Variants in NOL10 observed in about 807,000 individuals in gnomAD.
NOL10 encodes the protein nucleolar protein 10, also known as H_NH0074G24.1.
In NOL10, 58 loss-of-function variants were observed where a neutral mutation model predicts 103.5. The observed-to-expected ratio is 0.56, with a 90% CI of 0.45 to 0.70. The LOEUF (loss-of-function observed/expected upper bound fraction) is 0.70. Among genes scored for constraint, NOL10 ranks in the 30% least tolerant of loss-of-function variants. The pLI is 0.00. For synonymous variants in NOL10, 287 were observed against 282.5 expected (o/e 1.02, Z -0.16); for missense variants, 763 against 807.3 (o/e 0.95, Z 0.67).
intron 13 of NOL10, among the ~76,000 whole-genome samples, chr2:10,615,437 C>T (rs1193230345): frequency 6.6e-6 from 1 of 152,116 alleles, no homozygotes; most frequent in Non-Finnish European, 1.5e-5. Flanking sequence ...AGTAGAGATA[C>T]ACATGACAGA....
chr2:10,631,239 G>A (rs1324861837), intron 13 of NOL10, among the ~76,000 whole-genome samples: 1 of 152,126 alleles, frequency 6.6e-6, no homozygotes, highest in African/African-American at 2.4e-5. Context: ...TGTTGGCTTT[G>A]AACTGAAATA....
intron 6 of NOL10, among the ~76,000 whole-genome samples, chr2:10,670,364 AT>A (rs2148340853): frequency 6.6e-6 from 1 of 152,310 alleles, no homozygotes; most frequent in South Asian, 2.1e-4. Flanking sequence ...TTTGCCTACA[AT>A]TTATCTCGTT....
chr2:10,668,751 C>A, intron 6 of NOL10, 28 bp from the exon 7 acceptor site: 3 of 1,028,046 alleles, frequency 2.9e-6, no homozygotes, highest in Non-Finnish European at 4.2e-6. Flanking sequence ...AAGTTAAAAA[C>A]CTGCTAAACT....
chr2:10,632,683 T>G (rs1242094871), intron 13 of NOL10, among the ~76,000 whole-genome samples: 4 of 152,220 alleles, frequency 2.6e-5, no homozygotes, highest in Non-Finnish European at 4.4e-5. Flanking sequence ...CCCAATTCAA[T>G]ATAACTTTAT....
At chr2:10,679,704 C>A (rs1343464724) in intron 3 of NOL10, among the ~76,000 whole-genome samples, 1 of 152,134 alleles carries the variant, frequency 6.6e-6, no homozygotes, top group Non-Finnish European at 1.5e-5. Flanking sequence ...TGGCTTACTG[C>A]AACCTCCGCC....
At chr2:10,637,212 A>AC (rs1553305947) in intron 13 of NOL10, among the ~76,000 whole-genome samples, 15 of 137,198 alleles carry the variant, frequency 1.1e-4, no homozygotes, top group Middle Eastern at 3.6e-3. Context: ...AAAAAAAAAA[A>AC]ACACACACAC....
intron 1 of NOL10, among the ~76,000 whole-genome samples, chr2:10,686,170 T>G (rs1200998104): frequency 2.0e-5 from 3 of 152,168 alleles, no homozygotes; most frequent in Non-Finnish European, 4.4e-5. Flanking sequence ...GTCAGATGGT[T>G]ATGTATGCCA....
Position 10,667,248 on chromosome 2 carries a change from C to A in NOL10, c.561G>T (p.Val187=). 6.3e-7 allele frequency: 1 copy of A among 1,588,698 alleles called. No homozygotes were observed. Among genetic ancestry groups the A allele is most frequent in the Non-Finnish European group, 8.6e-7 (1 of 1,166,412 alleles). The change falls in exon 8 of 21, where the codon GTG becomes GTT. Residue 187 remains valine (V), a synonymous_variant. Coordinates refer to ENST00000381685, the MANE Select transcript of NOL10 (RefSeq NM_024894.4). ...AENNVCDINS[V]HGLFATGTIE... is the part of the protein sequence containing the mutation. ...TGGTTCCTGTGGCAAACAAGCCATG[C>A]ACTGAATTTATGTCACAAACATTAT...
At chr2:10,653,816 G>C (rs894334427) in intron 12 of NOL10, among the ~76,000 whole-genome samples, 5 of 145,320 alleles carry the variant, frequency 3.4e-5, no homozygotes, top group African/African-American at 1.3e-4. Context: ...GGTGGTCACA[G>C]GGTAAAAGCT....
At chr2:10,628,171 C>T (rs1301255284) in intron 13 of NOL10, among the ~76,000 whole-genome samples, 1 of 152,104 alleles carries the variant, frequency 6.6e-6, no homozygotes, top group Non-Finnish European at 1.5e-5. Context: ...TTTCCTAGAT[C>T]CTAAAATCAT....
At chr2:10,638,080 G>C (rs1001455010) in intron 13 of NOL10, among the ~76,000 whole-genome samples, 5 of 152,170 alleles carry the variant, frequency 3.3e-5, no homozygotes, top group African/African-American at 9.7e-5. Flanking sequence ...CCAGGAGTTT[G>C]AGACCAGCCT....
At chr2:10,601,249 G>A (rs1344467131) in intron 16 of NOL10, among the ~76,000 whole-genome samples, 1 of 152,150 alleles carries the variant, frequency 6.6e-6, no homozygotes, top group Non-Finnish European at 1.5e-5. Context: ...ATTTTTAGTA[G>A]AGACGGGGTT....
At chr2:10,581,873 G>A (rs539092473) in intron 19 of NOL10, among the ~76,000 whole-genome samples, 1 of 152,208 alleles carries the variant, frequency 6.6e-6, no homozygotes, top group Non-Finnish European at 1.5e-5. Flanking sequence ...AAAGCTACAG[G>A]TATAGATGTG....
At chr2:10,609,367 CA>C (rs1315251759) in intron 13 of NOL10, among the ~76,000 whole-genome samples, 2 of 143,656 alleles carry the variant, frequency 1.4e-5, no homozygotes, top group Non-Finnish European at 3.0e-5. Flanking sequence ...GCGGGAGGAT[CA>C]CGAGGTCAGG....
intron 13 of NOL10, among the ~76,000 whole-genome samples, chr2:10,628,090 T>C (rs1483495719): frequency 6.6e-6 from 1 of 152,150 alleles, no homozygotes; most frequent in African/African-American, 2.4e-5. Flanking sequence ...ATGAAAACTT[T>C]CGTCTTCAGG....
Position 10,684,576 on chromosome 2 carries a change from T to C in NOL10, c.103A>G (p.Lys35Glu), listed in dbSNP as rs1350332160. 6.3e-7 allele frequency: 1 copy of C among 1,575,396 alleles called. No homozygotes were observed. Among genetic ancestry groups the C allele is most frequent in the Non-Finnish European group, 8.6e-7 (1 of 1,158,746 alleles). ...AAAAAACAATACTCACCTACATCTTTCTTCTGTAGCGCTCTCTTCTTCCTA... is the reference window on the plus strand; with the variant it reads ...AAAAAACAATACTCACCTACATCTTCCTTCTGTAGCGCTCTCTTCTTCCTA... The part of the protein sequence containing the change: ...SDRKKRALQK[K>E]DVDVRRRIEL... The change falls in exon 2 of 21, where the codon AAA becomes GAA. Residue 35 changes from lysine (K) to glutamate (E), a missense_variant. Transcript: ENST00000381685.
chr2:10,660,780 C>T (rs1680146625), intron 9 of NOL10, among the ~76,000 whole-genome samples: 1 of 151,982 alleles, frequency 6.6e-6, no homozygotes, highest in Non-Finnish European at 1.5e-5. Flanking sequence ...TTCAGTTATT[C>T]TCCTGAGTTT....
intron 13 of NOL10, among the ~76,000 whole-genome samples, chr2:10,639,506 C>G (rs1050929188): frequency 6.6e-6 from 1 of 152,136 alleles, no homozygotes; most frequent in African/African-American, 2.4e-5. Flanking sequence ...AGCAAGCAAT[C>G]ACTCACACCC....
At chr2:10,665,980 G>A (rs749713925) in intron 8 of NOL10, among the ~76,000 whole-genome samples, 4 of 152,050 alleles carry the variant, frequency 2.6e-5, no homozygotes, top group Non-Finnish European at 2.9e-5. Flanking sequence ...GACTGATCCC[G>A]TCACCCAGGC....
Sources: allele counts gnomAD v4.1 joint callset (sites outside exome capture counted in the v4.1 genomes callset), GRCh38; gene constraint gnomAD v4.1.1; transcripts MANE v1.5; gene names NCBI Gene and HGNC (gene_info 2026-07-23, HGNC 2026-07-21).